Variants in ARHGAP24 observed in about 807,000 individuals in gnomAD.
The protein encoded by ARHGAP24 is Rho GTPase activating protein 24, also known as rho GTPase-activating protein 24.
In ARHGAP24, 50 loss-of-function variants were observed where a neutral mutation model predicts 76.4. The observed-to-expected ratio is 0.65, with a 90% confidence interval of 0.52 to 0.83. The LOEUF (loss-of-function observed/expected upper bound fraction) is 0.83, where lower values mean the gene tolerates loss of function less well. ARHGAP24 is among the 40% of genes least tolerant of loss of function. The pLI, the probability that ARHGAP24 is intolerant of heterozygous loss-of-function variation, is 0.00. For synonymous variants in ARHGAP24, 345 were observed against 323.3 expected (o/e 1.07, Z -0.72); for missense variants, 930 against 914.2 (o/e 1.02, Z -0.22).
intron 3 of ARHGAP24, among the ~76,000 whole-genome samples, chr4:85,827,461 C>CAT (rs1729772176): frequency 9.2e-6 from 1 of 108,642 alleles, no homozygotes; most frequent in African/African-American, 3.4e-5. Context: ...GAAGTCTGCC[C>CAT]GTGTGTGTGT....
chr4:85,857,922 T>G (rs1037363062), intron 3 of ARHGAP24, among the ~76,000 whole-genome samples: 6 of 152,188 alleles, frequency 3.9e-5, no homozygotes, highest in Non-Finnish European at 8.8e-5. Flanking sequence ...TTCTATTAAT[T>G]CTGAGTCCAT....
At chr4:85,932,426 T>G (rs1736383024) in intron 4 of ARHGAP24, among the ~76,000 whole-genome samples, 2 of 140,316 alleles carry the variant, frequency 1.4e-5, no homozygotes, top group Admixed American at 1.6e-4. Context: ...TTAATGTATC[T>G]TTAAAGGACT....
chr4:85,488,055 G>C (rs971038243), intron 1 of ARHGAP24, among the ~76,000 whole-genome samples: 1 of 150,090 alleles, frequency 6.7e-6, no homozygotes, highest in Non-Finnish European at 1.5e-5. Flanking sequence ...TACAGGCGCC[G>C]GCCACCACGC....
intron 6 of ARHGAP24, among the ~76,000 whole-genome samples, chr4:85,973,833 G>GTTTTTTTTTTTTTTTTTTTTT (rs1199796194): frequency 7.0e-5 from 3 of 42,820 alleles, no homozygotes; most frequent in African/African-American, 1.1e-4. Flanking sequence ...GCTGCCTATT[G>GTTTTTTTTTTTTTTTTTTTTT]TTTTTTTTTT....
chr4:85,993,094 AT>A (rs1182132580), intron 8 of ARHGAP24, among the ~76,000 whole-genome samples: 1 of 152,124 alleles, frequency 6.6e-6, no homozygotes, highest in Non-Finnish European at 1.5e-5. Context: ...CTTTCAAGAA[AT>A]TTAATTTGGA....
intron 1 of ARHGAP24, among the ~76,000 whole-genome samples, chr4:85,546,623 C>G (rs1334040326): frequency 2.0e-5 from 3 of 152,172 alleles, no homozygotes; most frequent in African/African-American, 7.2e-5. Flanking sequence ...ATGACTTTCT[C>G]AAGGTCAAAT....
chr4:85,803,608 A>G (rs1265854843), intron 3 of ARHGAP24, among the ~76,000 whole-genome samples: 1 of 152,194 alleles, frequency 6.6e-6, no homozygotes, highest in African/African-American at 2.4e-5. Context: ...CTTTTAAAAT[A>G]TTGAGATTCT....
At chr4:85,930,596 C>T in intron 4 of ARHGAP24, 1 of 1,045,010 alleles carries the variant, frequency 9.6e-7, no homozygotes, top group Non-Finnish European at 1.2e-6. Flanking sequence ...AAAACCAATT[C>T]CTGCTGTTTG....
intron 5 of ARHGAP24, among the ~76,000 whole-genome samples, chr4:85,969,801 C>A (rs1007092807): frequency 1.3e-5 from 2 of 152,048 alleles, no homozygotes; most frequent in Non-Finnish European, 2.9e-5. Context: ...TTAGGTCTGT[C>A]TTTTCAAACA....
chr4:85,982,414 T>C (rs1739721708), intron 8 of ARHGAP24, among the ~76,000 whole-genome samples: 1 of 146,466 alleles, frequency 6.8e-6, no homozygotes, highest in South Asian at 2.1e-4. Context: ...ACAGGAAAAA[T>C]GGAGAAGCAA....
chr4:85,945,647 C>T (rs972050541), intron 5 of ARHGAP24, among the ~76,000 whole-genome samples: 1 of 151,012 alleles, frequency 6.6e-6, no homozygotes. Flanking sequence ...GTAATCCCAG[C>T]TGCTTGGAAG....
intron 2 of ARHGAP24, among the ~76,000 whole-genome samples, chr4:85,707,750 A>T (rs941341249): frequency 6.6e-6 from 1 of 152,162 alleles, no homozygotes; most frequent in African/African-American, 2.4e-5. Context: ...CTAGGCAAAA[A>T]TTAGGTCACT....
At chr4:85,828,590 TAATC>T (rs1378999032) in intron 3 of ARHGAP24, among the ~76,000 whole-genome samples, 3 of 152,154 alleles carry the variant, frequency 2.0e-5, no homozygotes, top group African/African-American at 7.2e-5. Flanking sequence ...ACAATTAACT[TAATC>T]AACCTATAAA....
chr4:85,784,919 CTATCT>C (rs1281792057), intron 3 of ARHGAP24, among the ~76,000 whole-genome samples: 1 of 118,826 alleles, frequency 8.4e-6, no homozygotes, highest in African/African-American at 3.1e-5. Context: ...ATCTATCTAT[CTATCT>C]ATCTATCTAT....
At chr4:85,724,491 GTATATATATATATA>G (rs60930279) in intron 3 of ARHGAP24, among the ~76,000 whole-genome samples, 6 of 10,716 alleles carry the variant, frequency 5.6e-4, no homozygotes, top group Admixed American at 2.1e-3. Context: ...TTCCATGTGT[GTATATATATATATA>G]TATATATATA....
intron 1 of ARHGAP24, among the ~76,000 whole-genome samples, chr4:85,511,909 C>A (rs772412475): frequency 9.9e-5 from 15 of 152,234 alleles, no homozygotes; most frequent in Non-Finnish European, 2.2e-4. Context: ...TGGCTTGCAG[C>A]TGCATAACTC....
intron 3 of ARHGAP24, among the ~76,000 whole-genome samples, chr4:85,910,414 A>G (rs1466217820): frequency 6.6e-6 from 1 of 152,196 alleles, no homozygotes; most frequent in Non-Finnish European, 1.5e-5. Context: ...AGACAAGTGG[A>G]GGGCAAGCAA....
In ARHGAP24 at chr4:85,526,369, G is replaced by A. The variant is rs1247104541; in HGVS notation, c.-20-44153G>A. ...GAGCTGTGTTTGTGTCTCTGTACTC[G>A]AGCCTGGGCGACAGAGCAAGACCCT... On this transcript the variant is annotated intron_variant, in intron 1 of 9. Transcript: ENST00000395184. Among the ~76,000 whole-genome samples, 6 of 148,142 alleles carry A rather than the reference G, an allele frequency of 4.1e-5. 1 individual carries two copies. Among genetic ancestry groups the A allele is most frequent in the East Asian group, 2.0e-4 (1 of 5,056 alleles).
chr4:85,883,091 G>T (rs536591011), intron 3 of ARHGAP24, among the ~76,000 whole-genome samples: 24 of 152,278 alleles, frequency 1.6e-4, no homozygotes, highest in African/African-American at 5.8e-4. Flanking sequence ...GGAACAATGG[G>T]ATTTAAAACA....
Sources: gnomAD v4.1 joint callset for allele counts (sites outside exome capture counted in the v4.1 genomes callset) on GRCh38, gnomAD v4.1.1 for gene constraint, MANE v1.5 for transcripts, NCBI Gene and HGNC (gene_info 2026-07-23, HGNC 2026-07-21) for gene names.